Variants in CYFIP1 observed in about 807,000 individuals in gnomAD.
CYFIP1 encodes the protein cytoplasmic FMR1-interacting protein 1.
CYFIP1 carries 58 observed loss-of-function variants against 163.5 expected under a neutral mutation model. That is an observed-to-expected ratio of 0.35 (90% CI 0.29 to 0.44). The LOEUF (loss-of-function observed/expected upper bound fraction) is 0.44. Ranked by LOEUF, CYFIP1 falls within the 20% of genes least tolerant of loss-of-function variation. The probability of loss-of-function intolerance (pLI) is 1.00; values close to 1 mark genes in which losing one functional copy is unlikely to be tolerated. For missense variants in CYFIP1, 1,338 were observed against 1,653.8 expected (o/e 0.81, Z 3.31); for synonymous variants, 663 against 660.7 (o/e 1.00, Z -0.05).
chr15:22,893,886 G>A (rs907841849), intron 22 of CYFIP1, among the ~76,000 whole-genome samples: 1 of 152,208 alleles, frequency 6.6e-6, no homozygotes, highest in Admixed American at 6.5e-5. Flanking sequence ...ATGGAGATGT[G>A]TTATCTGCAG....
At chr15:22,897,988 C>G (rs1367381181) in intron 22 of CYFIP1, among the ~76,000 whole-genome samples, 4 of 152,142 alleles carry the variant, frequency 2.6e-5, no homozygotes, top group Non-Finnish European at 4.4e-5. Flanking sequence ...ATTCCAGCTG[C>G]CTCAGCTTCC....
chr15:22,945,245 C>T (rs2062020238), intron 3 of CYFIP1, among the ~76,000 whole-genome samples: 1 of 152,170 alleles, frequency 6.6e-6, no homozygotes, highest in Non-Finnish European at 1.5e-5. Flanking sequence ...GGCCATGAGA[C>T]CTGCAGTTAG....
chr15:22,883,555 C>T (rs1053101925), intron 23 of CYFIP1, among the ~76,000 whole-genome samples: 12 of 152,216 alleles, frequency 7.9e-5, no homozygotes, highest in African/African-American at 2.9e-4. Flanking sequence ...CGGCGACTCA[C>T]ACCTGTAATC....
chr15:22,920,841 C>CA (rs1566974429), intron 13 of CYFIP1, among the ~76,000 whole-genome samples: 1 of 151,906 alleles, frequency 6.6e-6, no homozygotes, highest in Non-Finnish European at 1.5e-5. Flanking sequence ...TTCCAATCAA[C>CA]AAAAAAGAAA....
At chr15:22,948,270 A>G (rs186530260) in intron 1 of CYFIP1, among the ~76,000 whole-genome samples, 50 of 152,210 alleles carry the variant, frequency 3.3e-4, no homozygotes, top group Admixed American at 2.4e-3. Flanking sequence ...CTTCAAGCCC[A>G]TCCTCAAGCT....
At chr15:22,924,415 C>G (rs2061295031) in intron 13 of CYFIP1, among the ~76,000 whole-genome samples, 1 of 152,060 alleles carries the variant, frequency 6.6e-6, no homozygotes, top group South Asian at 2.1e-4. Flanking sequence ...CAGAGCAAGG[C>G]TCCATCTTAA....
At chr15:22,876,717 G>C (rs2059595014) in intron 26 of CYFIP1, among the ~76,000 whole-genome samples, 1 of 151,948 alleles carries the variant, frequency 6.6e-6, no homozygotes, top group Non-Finnish European at 1.5e-5. Context: ...TGTAATCCCA[G>C]CTACTCGGGA....
intron 22 of CYFIP1, among the ~76,000 whole-genome samples, chr15:22,899,785 T>G (rs1237147787): frequency 6.6e-6 from 1 of 152,126 alleles, no homozygotes; most frequent in African/African-American, 2.4e-5. Flanking sequence ...CAGTGGCTCA[T>G]GCGTGTAATC....
At chr15:22,924,848 G>C (rs2061307294) in intron 13 of CYFIP1, among the ~76,000 whole-genome samples, 1 of 152,084 alleles carries the variant, frequency 6.6e-6, no homozygotes, top group African/African-American at 2.4e-5. Flanking sequence ...GAGGCGGGTG[G>C]ATTGCTTGAG....
chr15:22,874,554 G>T lies in CYFIP1; in HGVS notation c.3206C>A (p.Pro1069His). ...LVPLIERLGT[P>H]QQIAIAREGD... ...AGCCATCACGGTACACGTTACCTGA[G>T]GGGTCCCCAGTCTTTCAATCAGTGG... Residue 1069 changes from proline to histidine, a missense_variant, in exon 28 of 31, where the codon CCT becomes CAT. Coordinates refer to ENST00000617928, the MANE Select transcript of CYFIP1 (RefSeq NM_014608.6). 6.3e-7 allele frequency: 1 copy of T among 1,596,360 alleles called. No individual in the cohort carries two copies. The highest frequency in any genetic ancestry group is 8.5e-7 in the Non-Finnish European group (1 of 1,173,648).
At chr15:22,922,429 G>T (rs868290503) in intron 13 of CYFIP1, among the ~76,000 whole-genome samples, 1 of 152,212 alleles carries the variant, frequency 6.6e-6, no homozygotes, top group Non-Finnish European at 1.5e-5. Context: ...AATTCCACTA[G>T]CAGGCACAGC....
chr15:22,883,146 C>T (rs2059816730), intron 23 of CYFIP1, 135 bp from the exon 24 acceptor site: 1 of 975,018 alleles, frequency 1.0e-6, no homozygotes, highest in African/African-American at 1.6e-5. Context: ...AAATCTACTG[C>T]CCTTAACTGG....
intron 27 of CYFIP1, 125 bp from the exon 28 acceptor site, chr15:22,874,769 A>G: frequency 3.0e-6 from 2 of 663,204 alleles, no homozygotes; most frequent in Admixed American, 7.5e-5. Flanking sequence ...ATTCTCTTTG[A>G]AAATTATTTT....
chr15:22,914,961 T>C, intron 16 of CYFIP1, 79 bp from the exon 17 acceptor site: 3 of 1,461,400 alleles, frequency 2.1e-6, no homozygotes, highest in South Asian at 2.8e-5. Context: ...AAGGGCTGTG[T>C]GCTGGGTGCC....
chr15:22,951,375 A>G (rs2062243080), intron 1 of CYFIP1: 1 of 1,268,832 alleles, frequency 7.9e-7, no homozygotes, highest in Non-Finnish European at 1.0e-6. Context: ...AGTGCAGGGC[A>G]GCCCCGGCCG....
chr15:22,980,023 G>C (rs2063421450), intron 1 of CYFIP1, among the ~76,000 whole-genome samples: 1 of 152,074 alleles, frequency 6.6e-6, no homozygotes, highest in African/African-American at 2.4e-5. Context: ...CCGAAAGGCC[G>C]GGGGCGCAGG....
chr15:22,885,280 A>T (rs180779353), intron 23 of CYFIP1, among the ~76,000 whole-genome samples: 1 of 152,138 alleles, frequency 6.6e-6, no homozygotes, highest in South Asian at 2.1e-4. Context: ...TCAATGTACC[A>T]CGTATCTCTA....
chr15:22,965,782 C>T (rs191397230), intron 1 of CYFIP1, among the ~76,000 whole-genome samples: 321 of 152,272 alleles, frequency 2.1e-3, no homozygotes, highest in Non-Finnish European at 3.9e-3. Context: ...TTCCCGCTGC[C>T]CTGGTGTCCC....
At chr15:22,900,643 G>A (rs560463993) in intron 22 of CYFIP1, among the ~76,000 whole-genome samples, 131 of 151,558 alleles carry the variant, frequency 8.6e-4, no homozygotes, top group Non-Finnish European at 1.5e-3. Flanking sequence ...CTCAGGATCT[G>A]CCCGCCTCGG....
Sources: allele counts gnomAD v4.1 joint callset (sites outside exome capture counted in the v4.1 genomes callset), GRCh38; gene constraint gnomAD v4.1.1; transcripts MANE v1.5; gene names NCBI Gene and HGNC (gene_info 2026-07-23, HGNC 2026-07-21).